The following PDGFRB variants were observed in gnomAD, a reference collection of about 807,000 sequenced individuals.
PDGFRB encodes the protein platelet derived growth factor receptor beta.
PDGFRB carries 42 observed loss-of-function variants against 120.2 expected under a neutral mutation model. That is an observed-to-expected ratio of 0.35 (90% CI 0.27 to 0.45). The LOEUF (loss-of-function observed/expected upper bound fraction) is 0.45. PDGFRB is among the 20% of genes least tolerant of loss of function. PDGFRB has a pLI of 1.00. For missense variants in PDGFRB, 1,149 were observed against 1,476.3 expected (o/e 0.78, Z 3.63); for synonymous variants, 586 against 606.8 (o/e 0.97, Z 0.50).
At chr5:150,130,286 C>A (rs1760426665) in intron 9 of PDGFRB, among the ~76,000 whole-genome samples, 1 of 152,174 alleles carries the variant, frequency 6.6e-6, no homozygotes, top group Non-Finnish European at 1.5e-5. Context: ...CAGAACTGAT[C>A]TACAGGGCGG....
chr5:150,136,263 C>A (rs1760628868), intron 2 of PDGFRB, among the ~76,000 whole-genome samples: 1 of 152,206 alleles, frequency 6.6e-6, no homozygotes, highest in Non-Finnish European at 1.5e-5. Context: ...CCCCCGACTG[C>A]CCAGGTTCTG....
chr5:150,131,880 C>T, intron 8 of PDGFRB, 99 bp downstream of exon 8: 1 of 638,348 alleles, frequency 1.6e-6, no homozygotes, highest in South Asian at 1.9e-5. Context: ...GGCTCCCTCT[C>T]CCACTCCTCC....
intron 9 of PDGFRB, among the ~76,000 whole-genome samples, chr5:150,130,259 C>T (rs1249671499): frequency 6.6e-6 from 1 of 152,142 alleles, no homozygotes. Flanking sequence ...GCATTAGAAT[C>T]GACCTGGCCA....
At position 150,132,906 on chromosome 5, in the gene PDGFRB, G is replaced by A. The variant is rs372924064; in HGVS notation, c.971C>T (p.Thr324Ile). 2.1e-5 allele frequency: 34 copies of A among 1,581,970 alleles called. No homozygotes were observed. In the African/African-American group the frequency reaches 4.4e-4, roughly 21 times the overall value. Reference sequence around the variant, plus strand: ...CCGATGCAGCTCAGCAAATTGTAGTGTGCCCACCTCTCCCAGGAGCCGCAC... The same window carrying A: ...CCGATGCAGCTCAGCAAATTGTAGTATGCCCACCTCTCCCAGGAGCCGCAC... Reference protein sequence around the residue: ...GYVRLLGEVGTLQFAELHRSR... With the variant: ...GYVRLLGEVGILQFAELHRSR... The change falls in exon 7 of 23, where the codon ACA becomes ATA. Residue 324 changes from threonine (T) to isoleucine (I), a missense_variant. Physicochemically the swap from Thr to Ile is moderately conservative, Grantham distance 89. Transcript: ENST00000261799. The surrounding 1 kb of genome is among the most constrained non-coding windows in gnomAD (Gnocchi z 5.0).
In PDGFRB at chr5:150,115,121, G is replaced by A. The variant is rs138535908; in HGVS notation, c.*642C>T. On this transcript the variant is annotated 3_prime_UTR_variant, in exon 23 of 23. Coordinates refer to ENST00000261799, the MANE Select transcript of PDGFRB (RefSeq NM_002609.4). ...AAGGGCTGCAGGCTGGGGGTGTCCT[G>A]TACTTGGCTCAGCCTCCAGCATTAA... is the stretch of plus-strand genomic sequence containing the variant. 686 of 233,178 alleles carry A rather than the reference G, an allele frequency of 2.9e-3. 3 individuals carry two copies. The highest frequency in any genetic ancestry group is 0.011 in the Middle Eastern group (9 of 788). The allele number at this position is 233,178 out of a possible 1,614,324, so 14.4% of individuals were successfully genotyped here.
rs1402058578 is a variant in PDGFRB at position 150,126,574 on chromosome 5, G to T, written c.1620C>A (p.Ala540=). The change falls in exon 11 of 23, where the codon GCC becomes GCA. Residue 540 remains alanine, a synonymous_variant. Coordinates refer to ENST00000261799, the MANE Select transcript of PDGFRB (RefSeq NM_002609.4). ...FKVVVISAIL[A]LVVLTIISLI... Reference sequence around the variant, plus strand: ...GGGAGATGATGGTGAGCACCACCAGGGCCAGGATGGCTGAGATCACCACCA... The same window carrying T: ...GGGAGATGATGGTGAGCACCACCAGTGCCAGGATGGCTGAGATCACCACCA... 1 of 1,611,030 alleles carries T rather than the reference G, an allele frequency of 6.2e-7. No homozygotes were observed. Among genetic ancestry groups the T allele is most frequent in the East Asian group, 2.2e-5 (1 of 44,864 alleles).
rs1365173347 is a variant in PDGFRB at position 150,124,904 on chromosome 5, C to T, written c.1808-73G>A. ...CCGCTCCCCCAGCTGCCCCCCTCCC[C>T]CCACTCCCCTACCCCCGGCCGCTAT... is the stretch of plus-strand genomic sequence containing the variant. On this transcript the variant is annotated intron_variant, in intron 12 of 22. Transcript: ENST00000261799. 18 of 687,656 alleles carry T rather than the reference C, an allele frequency of 2.6e-5. 1 individual carries two copies. Among genetic ancestry groups the T allele is most frequent in the Middle Eastern group, 4.0e-4 (1 of 2,480 alleles). 42.6% of individuals were successfully genotyped at this position (687,656 alleles called of 1,614,324 possible).
chr5:150,140,643 G>T (rs11738390), intron 1 of PDGFRB, among the ~76,000 whole-genome samples: 24,775 of 151,934 alleles, frequency 0.16, 2,374 homozygotes, highest in Middle Eastern at 0.27. Context: ...GGGGAGAGGA[G>T]TGGGGGGCCC....
At chr5:150,143,970 C>CGGG (rs918661207) in intron 1 of PDGFRB, among the ~76,000 whole-genome samples, 1 of 152,090 alleles carries the variant, frequency 6.6e-6, no homozygotes, top group Non-Finnish European at 1.5e-5. Context: ...CTTCTAGGCC[C>CGGG]GGGGTCCTCT....
Position 150,152,035 on chromosome 5 carries a change from G to C in PDGFRB, c.-7+3362C>G, listed in dbSNP as rs140620170. Reference sequence around the variant, plus strand: ...CAATTCTAGTGCCTCAGCCTCCTGAGTAGCTGGGATACAGGTGCGCACCAC... The same window carrying C: ...CAATTCTAGTGCCTCAGCCTCCTGACTAGCTGGGATACAGGTGCGCACCAC... On this transcript the variant is annotated intron_variant, in intron 1 of 22. Coordinates refer to ENST00000261799, the MANE Select transcript of PDGFRB (RefSeq NM_002609.4). 1.2e-3 allele frequency among the ~76,000 whole-genome samples: 183 copies of C among 152,044 alleles called. 4 individuals carry two copies. The East Asian group carries it at 0.03, about 25-fold the overall frequency.
In PDGFRB at chr5:150,117,839, C is replaced by A; in HGVS notation, c.2916G>T (p.Gln972His). 1 of 1,605,042 alleles carries A rather than the reference C, an allele frequency of 6.2e-7. No individual in the cohort carries two copies. Among genetic ancestry groups the A allele is most frequent in the Non-Finnish European group, 8.5e-7 (1 of 1,172,726 alleles). ...CACTCCTCAGAAACTCCTCATCCAC[C>A]TGCTGGTACTTCTGCTCCCGGGGCA... ...LGEGYKKKYQ[Q>H]VDEEFLRSDH... The change falls in exon 22 of 23, where the codon CAG becomes CAT. Residue 972 changes from glutamine to histidine, a missense_variant. Gln to His is a conservative substitution (Grantham distance 24). This residue lies in a region of PDGFRB where 202 missense variants were observed against 214.3 expected (regional missense o/e 0.94). Transcript: ENST00000261799.
At chr5:150,130,063 A>C in intron 9 of PDGFRB, 95 bp from the exon 10 acceptor site, 3 of 967,110 alleles carry the variant, frequency 3.1e-6, no homozygotes, top group Non-Finnish European at 3.3e-6. Context: ...GGACGTGTCC[A>C]GTTCCTATGT....
intron 1 of PDGFRB, among the ~76,000 whole-genome samples, chr5:150,144,928 A>AT (rs1480389064): frequency 6.6e-6 from 1 of 152,242 alleles, no homozygotes; most frequent in African/African-American, 2.4e-5. Flanking sequence ...AGCCTTAAAA[A>AT]TAACAATAAT....
At position 150,113,953 on chromosome 5, in the gene PDGFRB, A is replaced by G; in HGVS notation, c.*1810T>C. 4.3e-6 allele frequency: 1 copy of G among 233,524 alleles called. No individual in the cohort carries two copies. The highest frequency in any genetic ancestry group is 5.6e-5 in the Admixed American group (1 of 17,800). 14.5% of individuals were successfully genotyped at this position (233,524 alleles called of 1,614,324 possible). ...ATTTCTGCTGTATAAATGTGAGTTA[A>G]CGTGAGTCCTAAAAATATTTGTAAA... On this transcript the variant is annotated 3_prime_UTR_variant, in exon 23 of 23. Coordinates refer to ENST00000261799, the MANE Select transcript of PDGFRB (RefSeq NM_002609.4).
At chr5:150,118,501 C>A (rs11740840) in intron 21 of PDGFRB, among the ~76,000 whole-genome samples, 3 of 152,138 alleles carry the variant, frequency 2.0e-5, no homozygotes, top group Non-Finnish European at 4.4e-5. Flanking sequence ...AGACAGTGCT[C>A]TAGGCCCCCT....
At chr5:150,142,111 T>C (rs1468150783) in intron 1 of PDGFRB, among the ~76,000 whole-genome samples, 1 of 152,068 alleles carries the variant, frequency 6.6e-6, no homozygotes, top group Non-Finnish European at 1.5e-5. Flanking sequence ...CCCTCAGGGA[T>C]CATCTATCTG....
Position 150,117,707 on chromosome 5 carries a change from C to T in PDGFRB, c.3048G>A (p.Glu1016=), listed in dbSNP as rs1760003697. The T allele has an allele frequency of 1.2e-6, 2 of 1,613,888 alleles. No homozygotes were observed. Among genetic ancestry groups the T allele is most frequent in the East Asian group, 4.5e-5 (2 of 44,868 alleles). ...SVLYTAVQPN[E]GDNDYIIPLP... ...GGGGGATGATATAGTCGTTGTCACC[C>T]TCATTGGGCTGCACGGCAGTATAGA... The change falls in exon 22 of 23, where the codon GAG becomes GAA. Residue 1016 remains glutamate, a synonymous_variant. Transcript: ENST00000261799.
chr5:150,133,908 G>A lies in PDGFRB; in HGVS notation c.732C>T (p.Asn244=), dbSNP rs750613456. The change falls in exon 5 of 23, where the codon AAC becomes AAT. Residue 244 remains asparagine, a synonymous_variant. Coordinates refer to ENST00000261799, the MANE Select transcript of PDGFRB (RefSeq NM_002609.4). Reference sequence around the variant, plus strand: ...CTTTGCGGGGGTATGTCCACTCGAAGTTGACCACCTCATTCCCGATCACAA... The same window carrying A: ...CTTTGCGGGGGTATGTCCACTCGAAATTGACCACCTCATTCCCGATCACAA... ...MCIVIGNEVV[N]FEWTYPRKES... is the part of the protein sequence containing the mutation. 1.2e-6 allele frequency: 2 copies of A among 1,614,116 alleles called. No homozygotes were observed. The highest frequency in any genetic ancestry group is 1.7e-6 in the Non-Finnish European group (2 of 1,180,006).
chr5:150,144,791 C>T (rs1362198398), intron 1 of PDGFRB, among the ~76,000 whole-genome samples: 1 of 152,152 alleles, frequency 6.6e-6, no homozygotes, highest in African/African-American at 2.4e-5. Flanking sequence ...TGCTGCACAC[C>T]CCTGCCCACC....
Sources: allele counts gnomAD v4.1 joint callset (sites outside exome capture counted in the v4.1 genomes callset), GRCh38; gene constraint gnomAD v4.1.1; regional missense constraint gnomAD v4.1.1; non-coding constraint Gnocchi (gnomAD v3.1); transcripts MANE v1.5; gene names NCBI Gene and HGNC (gene_info 2026-07-23, HGNC 2026-07-21).